CACNA2D4: variants seen among roughly 807,000 people sequenced by gnomAD.
The protein encoded by CACNA2D4 is calcium voltage-gated channel auxiliary subunit alpha2delta 4.
CACNA2D4 carries 157 observed loss-of-function variants against 163.8 expected under a neutral mutation model. That is an observed-to-expected ratio of 0.96 (90% CI 0.84 to 1.09). The LOEUF is 1.09. CACNA2D4 is among the 50% of genes least tolerant of loss of function. The probability of loss-of-function intolerance (pLI) is 0.00; values close to 1 mark genes in which losing one functional copy is unlikely to be tolerated. For missense variants in CACNA2D4, 1,410 were observed against 1,479.9 expected (o/e 0.95, Z 0.78); for synonymous variants, 598 against 586.9 (o/e 1.02, Z -0.27).
intron 3 of CACNA2D4, among the ~76,000 whole-genome samples, chr12:1,910,567 G>A (rs139087258): frequency 6.7e-4 from 102 of 152,264 alleles, no homozygotes; most frequent in African/African-American, 1.9e-3. Context: ...TAAAATATGC[G>A]TGCGTGCCAA....
At chr12:1,884,112 C>A in intron 12 of CACNA2D4, 131 bp downstream of exon 12, 1 of 663,824 alleles carries the variant, frequency 1.5e-6, no homozygotes, top group Non-Finnish European at 2.6e-6. Flanking sequence ...ACTGAGGCTG[C>A]TGTTCTTGAC....
intron 23 of CACNA2D4, among the ~76,000 whole-genome samples, chr12:1,850,083 G>A (rs906975389): frequency 1.6e-4 from 25 of 152,184 alleles, no homozygotes; most frequent in African/African-American, 5.8e-4. Flanking sequence ...TTTGGGATAA[G>A]GTTCCTAGAA....
At position 1,883,381 on chromosome 12, in the gene CACNA2D4, C is replaced by G. The variant is rs1247278770; in HGVS notation, c.1352-381G>C. Among the ~76,000 whole-genome samples, 2 of 152,198 alleles carry G rather than the reference C, an allele frequency of 1.3e-5. No individual in the cohort carries two copies. Among genetic ancestry groups the G allele is most frequent in the Non-Finnish European group, 2.9e-5 (2 of 68,042 alleles). On this transcript the variant is annotated intron_variant, in intron 12 of 37. Transcript: ENST00000382722. This position sits in a 1 kb window ranked among gnomAD's most constrained non-coding sequence, Gnocchi z 4.5. ...AAGCTTTCTTCTGCCACTCTTAGGTCTCTTCAGGGAACCCAATCAGAGGCA... is the reference window on the plus strand; with the variant it reads ...AAGCTTTCTTCTGCCACTCTTAGGTGTCTTCAGGGAACCCAATCAGAGGCA...
intron 18 of CACNA2D4, among the ~76,000 whole-genome samples, chr12:1,867,758 A>C (rs201629910): frequency 1.3e-5 from 2 of 150,754 alleles, no homozygotes; most frequent in African/African-American, 2.5e-5. Flanking sequence ...CAAAAAAACC[A>C]AAAAACAACA....
rs1865849362 is a variant in CACNA2D4, at chr12:1,874,708, T to C, written c.1807-33A>G. 1.3e-6 allele frequency: 2 copies of C among 1,484,834 alleles called. No individual in the cohort carries two copies. Among genetic ancestry groups the C allele is most frequent in the South Asian group, 1.1e-5 (1 of 88,346 alleles). 92.0% of individuals were successfully genotyped at this position (1,484,834 alleles called of 1,614,324 possible). On this transcript the variant is annotated intron_variant, in intron 17 of 37. Coordinates refer to ENST00000382722, the MANE Select transcript of CACNA2D4 (RefSeq NM_172364.5). The surrounding 1 kb of genome is among the most constrained non-coding windows in gnomAD (Gnocchi z 4.4). ...AGGAAAGACAATGGCATTAGTTCCT[T>C]GGCTCACAGGGGATGGTGAAAGTAT...
intron 29 of CACNA2D4, among the ~76,000 whole-genome samples, chr12:1,808,398 G>A (rs114110272): frequency 7.6e-4 from 116 of 152,362 alleles, no homozygotes; most frequent in African/African-American, 2.7e-3. Context: ...CTCATGACAC[G>A]TGAAATTTAT....
chr12:1,809,254 G>T (rs1863634314), intron 29 of CACNA2D4: 1 of 501,498 alleles, frequency 2.0e-6, no homozygotes, highest in African/African-American at 1.9e-5. Context: ...GCCCTACCAT[G>T]CGTGGAGGTG....
intron 14 of CACNA2D4, 73 bp downstream of exon 14, chr12:1,879,731 C>A: frequency 8.0e-7 from 1 of 1,245,972 alleles, no homozygotes; most frequent in South Asian, 1.3e-5. Context: ...AGTCAAGAAT[C>A]ACTGGTCTAA....
rs1335235889 is a variant in CACNA2D4 at position 1,828,113 on chromosome 12, C to A, written c.2551+12626G>T. The A allele has an allele frequency of 2.0e-6, 3 of 1,501,052 alleles. No individual in the cohort carries two copies. The South Asian group carries it at 3.9e-5, about 19-fold the overall frequency. The allele number at this position is 1,501,052 out of a possible 1,614,324, so 93.0% of individuals were successfully genotyped here. On this transcript the variant is annotated intron_variant, in intron 26 of 37. Coordinates refer to ENST00000382722, the MANE Select transcript of CACNA2D4 (RefSeq NM_172364.5). The surrounding 1 kb of genome is among the most constrained non-coding windows in gnomAD (Gnocchi z 4.2). ...GCGCACCCAGGGGCTCCTCTCTCCC[C>A]AGAGCGACAGGGCCCGGAGAGCCGT...
intron 18 of CACNA2D4, among the ~76,000 whole-genome samples, chr12:1,864,539 A>G (rs1865598008): frequency 6.6e-6 from 1 of 152,118 alleles, no homozygotes; most frequent in Admixed American, 6.5e-5. Context: ...GCCCAGGGGG[A>G]TGAACAGAGA....
At chr12:1,886,480 C>T (rs1344861446) in intron 7 of CACNA2D4, 107 bp from the exon 8 acceptor site, 7 of 1,087,524 alleles carry the variant, frequency 6.4e-6, no homozygotes, top group Non-Finnish European at 9.2e-6. Context: ...TCGAGCCCAC[C>T]CAAAGTTCAG....
Position 1,846,618 on chromosome 12 carries a change from A to C in CACNA2D4, c.2318T>G (p.Val773Gly), listed in dbSNP as rs778231887. Residue 773 changes from valine to glycine, a missense_variant, in exon 24 of 38, where the codon GTG (valine) becomes GGG (glycine). Transcript: ENST00000382722. ...RAGLLRSSLF[V>G]GSEKVSDRKF... ...CCTGTCGGAGACCTTCTCGGAGCCC[A>C]CGAACAAGCTGCTTCTCAGGAGGCC... 23 of 1,601,942 alleles carry C rather than the reference A, an allele frequency of 1.4e-5. No individual in the cohort carries two copies. Among genetic ancestry groups the C allele is most frequent in the Non-Finnish European group, 2.0e-5 (23 of 1,176,818 alleles).
In CACNA2D4 at chr12:1,918,273, C is replaced by T. The variant is rs1290498788; in HGVS notation, c.201G>A (p.Trp67Ter). Reference protein sequence around the residue: ...LLLGTSLSPAWGQAKIPLETV... With the variant: ...LLLGTSLSPA ...TTTCCAGAGGAATCTTGGCCTGTCC[C>T]CACGCAGGGGACAGGGAGGTGCCTA... The change falls in exon 1 of 38, where the codon TGG (tryptophan) becomes TGA (stop). Residue 67 changes from tryptophan (W) to a stop codon, truncating the protein, a stop_gained. Coordinates refer to ENST00000382722, the MANE Select transcript of CACNA2D4 (RefSeq NM_172364.5). LOFTEE classifies it high-confidence loss of function. The T allele has an allele frequency of 6.2e-7, 1 of 1,606,546 alleles. No homozygotes were observed. Among genetic ancestry groups the T allele is most frequent in the East Asian group, 2.2e-5 (1 of 44,500 alleles).
chr12:1,802,127 G>A lies in CACNA2D4; in HGVS notation c.2722-483C>T, dbSNP rs912377105. Among the ~76,000 whole-genome samples the A allele has an allele frequency of 6.6e-6, 1 of 151,744 alleles. No homozygotes were observed. Among genetic ancestry groups the A allele is most frequent in the Admixed American group, 6.6e-5 (1 of 15,212 alleles). The stretch of plus-strand genomic sequence containing the variant: ...AGCAGCGCCTGTCTCATGCACGCTG[G>A]TGTCCTCATCTTCCCAGTGTGAGAG... On this transcript the variant is annotated intron_variant, in intron 29 of 37. Transcript: ENST00000382722. This position sits in a 1 kb window ranked among gnomAD's most constrained non-coding sequence, Gnocchi z 4.7.
At chr12:1,835,495 A>C (rs892322831) in intron 26 of CACNA2D4, 2 of 152,500 alleles carry the variant, frequency 1.3e-5, no homozygotes, top group African/African-American at 2.4e-5. Flanking sequence ...CAGCAGAGAC[A>C]TGCTCTTCCC....
At chr12:1,881,294 G>A (rs1165028112) in intron 13 of CACNA2D4, among the ~76,000 whole-genome samples, 1 of 152,168 alleles carries the variant, frequency 6.6e-6, no homozygotes, top group Non-Finnish European at 1.5e-5. Flanking sequence ...GAATGCTAAG[G>A]ACATCCTAGC....
At chr12:1,882,203 C>T (rs949824300) in intron 13 of CACNA2D4, among the ~76,000 whole-genome samples, 5 of 152,304 alleles carry the variant, frequency 3.3e-5, no homozygotes, top group Non-Finnish European at 7.4e-5. Flanking sequence ...GATGACCAGG[C>T]CAGAGAGCTC....
chr12:1,903,107 A>G (rs1866574309), intron 6 of CACNA2D4, among the ~76,000 whole-genome samples: 2 of 152,148 alleles, frequency 1.3e-5, no homozygotes, highest in South Asian at 4.1e-4. Flanking sequence ...AAGTACACAC[A>G]TTGGGGAGAG....
chr12:1,813,413 T>C (rs985534906), intron 26 of CACNA2D4, among the ~76,000 whole-genome samples: 16 of 152,312 alleles, frequency 1.1e-4, no homozygotes, highest in Admixed American at 6.5e-4. Flanking sequence ...CCTAAGATGA[T>C]GAAGATGGCC....
Sources: allele counts gnomAD v4.1 joint callset (sites outside exome capture counted in the v4.1 genomes callset), GRCh38; gene constraint gnomAD v4.1.1; non-coding constraint Gnocchi (gnomAD v3.1); transcripts MANE v1.5; gene names NCBI Gene and HGNC (gene_info 2026-07-23, HGNC 2026-07-21).